The following NEK10 variants were observed in gnomAD, a reference collection of about 807,000 sequenced individuals.
NEK10 encodes the protein serine/threonine-protein kinase Nek10.
NEK10 carries 122 observed loss-of-function variants against 159.8 expected under a neutral mutation model. That is an observed-to-expected ratio of 0.76 (90% confidence interval 0.66 to 0.89). The LOEUF (loss-of-function observed/expected upper bound fraction) is 0.89, where lower values mean the gene tolerates loss of function less well. Among genes scored for constraint, NEK10 ranks in the 40% least tolerant of loss-of-function variants. NEK10 has a pLI of 0.00. For missense variants in NEK10, 1,342 were observed against 1,323.1 expected (o/e 1.01, Z -0.22); for synonymous variants, 466 against 457.1 (o/e 1.02, Z -0.25).
At chr3:27,284,552 A>G in intron 22 of NEK10, 50 bp downstream of exon 22, 1 of 1,022,646 alleles carries the variant, frequency 9.8e-7, no homozygotes, top group South Asian at 1.3e-5. Context: ...CTACTCTAGG[A>G]TAGTATTCAG....
intron 31 of NEK10, among the ~76,000 whole-genome samples, chr3:27,139,908 C>A (rs140624825): frequency 1.1e-4 from 16 of 152,302 alleles, no homozygotes; most frequent in African/African-American, 3.8e-4. Context: ...GGAGCACCAG[C>A]ATCCTTGAAA....
At position 27,109,309 on chromosome 3, in the gene NEK10, GC is replaced by G. The variant is rs1323195264; in HGVS notation, c.*1962del. 1.3e-5 allele frequency among the ~76,000 whole-genome samples: 2 copies of G among 151,496 alleles called. No homozygotes were observed. The highest frequency in any genetic ancestry group is 4.2e-4 in the South Asian group (2 of 4,782). On this transcript the variant is annotated 3_prime_UTR_variant, in exon 36 of 36. Coordinates refer to ENST00000691995, the MANE Select transcript of NEK10 (RefSeq NM_001394966.1). ...CAGGAGAATTGCTTGAACCTGGGTGGCGGAGGTTGCAGTAAGTTAAGATCTC... is the reference window on the plus strand; with the variant it reads ...CAGGAGAATTGCTTGAACCTGGGTGGGGAGGTTGCAGTAAGTTAAGATCTC...
At chr3:27,309,318 G>A (rs867499776) in intron 9 of NEK10, 5 of 163,982 alleles carry the variant, frequency 3.0e-5, no homozygotes, top group Non-Finnish European at 6.5e-5. Context: ...TAATCAAGTT[G>A]TTTATTTTAT....
chr3:27,210,095 T>G (rs1950875524), intron 23 of NEK10, among the ~76,000 whole-genome samples: 1 of 152,140 alleles, frequency 6.6e-6, no homozygotes, highest in South Asian at 2.1e-4. Context: ...CCTGTGAAAT[T>G]TCATGTGTCT....
chr3:27,203,510 T>A (rs939299496), intron 23 of NEK10, among the ~76,000 whole-genome samples: 4 of 152,174 alleles, frequency 2.6e-5, no homozygotes, highest in Non-Finnish European at 5.9e-5. Flanking sequence ...CCTTGAACAT[T>A]TTGTACTAAT....
At chr3:27,172,967 G>C (rs1459174169) in intron 28 of NEK10, among the ~76,000 whole-genome samples, 1 of 152,110 alleles carries the variant, frequency 6.6e-6, no homozygotes, top group Non-Finnish European at 1.5e-5. Context: ...CATGAAAGCA[G>C]TCAAACAACA....
chr3:27,167,523 C>T (rs1946594990), intron 29 of NEK10, among the ~76,000 whole-genome samples: 1 of 152,192 alleles, frequency 6.6e-6, no homozygotes, highest in African/African-American at 2.4e-5. Context: ...TCAAGTTCCA[C>T]TATACAGAGT....
intron 31 of NEK10, among the ~76,000 whole-genome samples, chr3:27,134,800 AATG>A (rs1184847643): frequency 6.6e-6 from 1 of 152,290 alleles, no homozygotes; most frequent in East Asian, 1.9e-4. Flanking sequence ...TTTTACACAA[AATG>A]ATGACTCATG....
chr3:27,253,006 CA>C (rs997260241), intron 23 of NEK10: 13 of 404,832 alleles, frequency 3.2e-5, no homozygotes, highest in East Asian at 2.9e-4. Flanking sequence ...CTTTATGTAT[CA>C]AAAAAATAAT....
At position 27,304,983 on chromosome 3, in the gene NEK10, A is replaced by G. The variant is rs928699476; in HGVS notation, c.804-12T>C. 3.2e-6 allele frequency: 5 copies of G among 1,556,286 alleles called. No individual in the cohort carries two copies. The highest frequency in any genetic ancestry group is 1.1e-5 in the South Asian group (1 of 89,182). ...ACTCCGCTGTTAGTCTGAAAGGGGTACAGAGGGTGGGGTGAGAATCACAGC... is the reference window on the plus strand; with the variant it reads ...ACTCCGCTGTTAGTCTGAAAGGGGTGCAGAGGGTGGGGTGAGAATCACAGC... On this transcript the variant is annotated splice_polypyrimidine_tract_variant and intron_variant, in intron 11 of 35. Coordinates refer to ENST00000691995, the MANE Select transcript of NEK10 (RefSeq NM_001394966.1).
intron 1 of NEK10, among the ~76,000 whole-genome samples, chr3:27,363,172 G>A (rs933693008): frequency 2.6e-5 from 4 of 152,192 alleles, no homozygotes; most frequent in African/African-American, 9.7e-5. Flanking sequence ...CAGTGGTATG[G>A]AAAGGCTGGA....
chr3:27,164,976 C>T (rs1016097003), intron 29 of NEK10, among the ~76,000 whole-genome samples: 13 of 152,180 alleles, frequency 8.5e-5, no homozygotes, highest in Admixed American at 1.3e-4. Flanking sequence ...AACACCCTGA[C>T]AATGCTGAGT....
chr3:27,278,348 G>A (rs537010395), intron 22 of NEK10, among the ~76,000 whole-genome samples: 1 of 152,340 alleles, frequency 6.6e-6, no homozygotes, highest in African/African-American at 2.4e-5. Flanking sequence ...CTTGTAGGAT[G>A]TGTCAGCTAG....
rs2042251275 is a variant in NEK10, at chr3:27,282,548, A to ATATATATATATACACATAACTGTGT, written c.2014+2053_2014+2054insACACAGTTATGTGTATATATATATA. 2.4e-4 allele frequency among the ~76,000 whole-genome samples: 24 copies of ATATATATATATACACATAACTGTGT among 100,562 alleles called. 6 individuals carry two copies. The highest frequency in any genetic ancestry group is 9.6e-4 in the African/African-American group (24 of 25,032). 66.0% of individuals were successfully genotyped at this position (100,562 alleles called of 152,430 possible). On this transcript the variant is annotated intron_variant, in intron 22 of 35. Transcript: ENST00000691995. ...ATATACATAAATGTGTTATATATAT[A>ATATATATATATACACATAACTGTGT]TATATATATATACATAACTGTGTTA...
Position 27,174,540 on chromosome 3 carries a change from A to G in NEK10, c.2690-15T>C. 1 of 1,601,792 alleles carries G rather than the reference A, an allele frequency of 6.2e-7. No individual in the cohort carries two copies. Among genetic ancestry groups the G allele is most frequent in the Non-Finnish European group, 8.5e-7 (1 of 1,176,582 alleles). ...TGAATATGTATCTGCACATTAATAA[A>G]AACAATAAAAAAGCAAATGAGTCTT... On this transcript the variant is annotated splice_polypyrimidine_tract_variant and intron_variant, in intron 27 of 35. Transcript: ENST00000691995.
chr3:27,354,643 A>G (rs922770681), intron 1 of NEK10, among the ~76,000 whole-genome samples: 45 of 152,224 alleles, frequency 3.0e-4, no homozygotes, highest in African/African-American at 1.0e-3. Flanking sequence ...TCTACACTAT[A>G]ATACAAAATG....
At chr3:27,233,114 T>G (rs540062661) in intron 23 of NEK10, among the ~76,000 whole-genome samples, 1 of 150,848 alleles carries the variant, frequency 6.6e-6, no homozygotes, top group South Asian at 2.1e-4. Context: ...ACCCACAGAG[T>G]GGGAGAAAAT....
chr3:27,287,174 T>A (rs2042682009), intron 20 of NEK10, among the ~76,000 whole-genome samples: 1 of 150,424 alleles, frequency 6.6e-6, no homozygotes, highest in Non-Finnish European at 1.5e-5. Context: ...GAGTTTAGCT[T>A]TATCTGTTTT....
chr3:27,164,162 A>C (rs2148825001), intron 29 of NEK10, among the ~76,000 whole-genome samples: 1 of 152,142 alleles, frequency 6.6e-6, no homozygotes, highest in South Asian at 2.1e-4. Flanking sequence ...ACTTTCCCTA[A>C]CCTGAGATAA....
Sources: gnomAD v4.1 joint callset for allele counts (sites outside exome capture counted in the v4.1 genomes callset) on GRCh38, gnomAD v4.1.1 for gene constraint, MANE v1.5 for transcripts, NCBI Gene and HGNC (gene_info 2026-07-23, HGNC 2026-07-21) for gene names.